Variants in CTNNB1 observed in about 807,000 individuals in gnomAD.
CTNNB1 encodes catenin beta 1, also known as catenin beta-1.
Under a neutral mutation model 82.5 loss-of-function variants are expected in CTNNB1, and 6 were observed. The observed-to-expected ratio is 0.07, with a 90% CI of 0.04 to 0.14. CTNNB1 has a LOEUF of 0.14. Ranked by LOEUF, CTNNB1 falls within the 10% of genes least tolerant of loss-of-function variation. The pLI is 1.00. For missense variants in CTNNB1, 529 were observed against 980.4 expected, an observed-to-expected ratio of 0.54 and a Z score of 6.15; for synonymous variants, 312 against 329.7, an observed-to-expected ratio of 0.95 and a Z score of 0.58.
rs2078146299 is a variant in CTNNB1 at position 41,225,256 on chromosome 3, C to T, written c.495+49C>T. 4 of 1,613,652 alleles carry T rather than the reference C, an allele frequency of 2.5e-6. No individual in the cohort carries two copies. In the South Asian group the frequency reaches 4.4e-5, roughly 18 times the overall value. On this transcript the variant is annotated intron_variant, in intron 4 of 14. Coordinates refer to ENST00000349496, the MANE Select transcript of CTNNB1 (RefSeq NM_001904.4). This position sits in a 1 kb window ranked among gnomAD's most constrained non-coding sequence, Gnocchi z 5.3. ...TTTAGTCTGCTTTGAAGTAAATGCT[C>T]AAGGGGAGTAGTTTCAGAATGTCTA...
Position 41,239,710 on chromosome 3 carries a change from G to T in CTNNB1, c.*368G>T. ...ATTGGCCTGTAGAGTTGCTGAGAGG[G>T]CTCGAGGGGTGGGCTGGTATCTCAG... On this transcript the variant is annotated 3_prime_UTR_variant, in exon 15 of 15. Coordinates refer to ENST00000349496, the MANE Select transcript of CTNNB1 (RefSeq NM_001904.4). The T allele has an allele frequency of 2.6e-6, 1 of 380,168 alleles. No individual in the cohort carries two copies. Among genetic ancestry groups the T allele is most frequent in the Non-Finnish European group, 4.9e-6 (1 of 204,854 alleles). 23.5% of individuals were successfully genotyped at this position (380,168 alleles called of 1,614,324 possible).
chr3:41,239,385 AAAT>A lies in CTNNB1; in HGVS notation c.*45_*47del. On this transcript the variant is annotated 3_prime_UTR_variant, in exon 15 of 15. Transcript: ENST00000349496. Reference sequence around the variant, plus strand: ...AAGTTTTAAAAAGCCAGTTTGGGTAAAATACTTTTACTCTGCCTACAGAACTTC... The same window carrying A: ...AAGTTTTAAAAAGCCAGTTTGGGTAAACTTTTACTCTGCCTACAGAACTTC... The A allele has an allele frequency of 4.5e-6, 7 of 1,551,110 alleles. No individual in the cohort carries two copies. The highest frequency in any genetic ancestry group is 5.3e-6 in the Non-Finnish European group (6 of 1,132,888).
chr3:41,223,344 A>G (rs2125614534), intron 1 of CTNNB1, among the ~76,000 whole-genome samples: 1 of 152,294 alleles, frequency 6.6e-6, no homozygotes, highest in South Asian at 2.1e-4. Context: ...TTTTTAAAAT[A>G]TTGATCAAAA....
At chr3:41,236,842 T>C in intron 13 of CTNNB1, 133 bp downstream of exon 13, 1 of 1,200,088 alleles carries the variant, frequency 8.3e-7, no homozygotes, top group Non-Finnish European at 1.2e-6. Context: ...TTCTTCTTTA[T>C]GCTGTCTAGC....
At chr3:41,218,985 T>C (rs1363066011) in intron 1 of CTNNB1, among the ~76,000 whole-genome samples, 2 of 152,238 alleles carry the variant, frequency 1.3e-5, no homozygotes, top group Non-Finnish European at 2.9e-5. Context: ...ATAAACTATA[T>C]GAAGCATTGT....
At chr3:41,215,530 G>C (rs1462791690) in intron 1 of CTNNB1, among the ~76,000 whole-genome samples, 2 of 151,540 alleles carry the variant, frequency 1.3e-5, no homozygotes, top group East Asian at 3.9e-4. Flanking sequence ...AGGTATTTAA[G>C]AGCTTAATAT....
chr3:41,220,377 C>CG (rs1260157104), intron 1 of CTNNB1, among the ~76,000 whole-genome samples: 6 of 151,542 alleles, frequency 4.0e-5, no homozygotes, highest in African/African-American at 1.5e-4. Context: ...CTTGAGAACA[C>CG]ACACACCCAC....
At position 41,239,918 on chromosome 3, in the gene CTNNB1, T is replaced by TAA; in HGVS notation, c.*578_*579dup. On this transcript the variant is annotated 3_prime_UTR_variant, in exon 15 of 15. Transcript: ENST00000349496. ...TTTATCAAACCCTAGCCTTGCTTGT[T>TAA]AAATTTTTTTTTTTTTTTTTTTAAG... The TAA allele has an allele frequency of 5.7e-6, 1 of 174,070 alleles. No homozygotes were observed. Among genetic ancestry groups the TAA allele is most frequent in the Non-Finnish European group, 1.2e-5 (1 of 86,464 alleles). The allele number at this position is 174,070 out of a possible 1,614,324, so 10.8% of individuals were successfully genotyped here.
In CTNNB1 at chr3:41,238,096, C is replaced by T. The variant is rs377507940; in HGVS notation, c.2137+20C>T. 21 of 1,603,272 alleles carry T rather than the reference C, an allele frequency of 1.3e-5. No individual in the cohort carries two copies. The highest frequency in any genetic ancestry group is 4.0e-5 in the African/African-American group (3 of 74,684). On this transcript the variant is annotated intron_variant, in intron 14 of 14. Coordinates refer to ENST00000349496, the MANE Select transcript of CTNNB1 (RefSeq NM_001904.4). ...AGGATGGTATGTGTCTCATATTTCT[C>T]GATTAACTCCAGATCAAGCTAAAGT...
At chr3:41,220,504 A>G (rs2078022343) in intron 1 of CTNNB1, 1 of 149,944 alleles carries the variant, frequency 6.7e-6, no homozygotes, top group Non-Finnish European at 1.5e-5. Flanking sequence ...GTGTTGCATG[A>G]AGTGTGTTAA....
At chr3:41,212,096 G>A (rs569217164) in intron 1 of CTNNB1, among the ~76,000 whole-genome samples, 4 of 152,256 alleles carry the variant, frequency 2.6e-5, no homozygotes, top group African/African-American at 9.6e-5. Flanking sequence ...CATGGCTGAT[G>A]TCAGATGTTT....
chr3:41,236,292 G>C, intron 11 of CTNNB1, 57 bp from the exon 12 acceptor site: 1 of 1,603,126 alleles, frequency 6.2e-7, no homozygotes, highest in South Asian at 1.1e-5. Context: ...CACAGTGGGG[G>C]GCTTGCCATG....
At chr3:41,236,966 T>C (rs2078451407) in intron 13 of CTNNB1, 2 of 589,110 alleles carry the variant, frequency 3.4e-6, no homozygotes, top group African/African-American at 1.9e-5. Flanking sequence ...TGAAAAATGT[T>C]ACCAGATTAA....
chr3:41,205,812 G>A (rs1220509821), intron 1 of CTNNB1, among the ~76,000 whole-genome samples: 3 of 152,056 alleles, frequency 2.0e-5, no homozygotes, highest in South Asian at 2.1e-4. Flanking sequence ...TTTTTATTAC[G>A]ATACGATGGT....
chr3:41,209,054 C>A (rs1559456943), intron 1 of CTNNB1, among the ~76,000 whole-genome samples: 1 of 152,198 alleles, frequency 6.6e-6, no homozygotes, highest in Non-Finnish European at 1.5e-5. Context: ...TAGTATTTGG[C>A]ACCATTGCTA....
Position 41,205,668 on chromosome 3 carries a change from T to A in CTNNB1, c.-49+5998T>A, listed in dbSNP as rs980819503. Among the ~76,000 whole-genome samples the A allele has an allele frequency of 6.6e-5, 10 of 152,156 alleles. No individual in the cohort carries two copies. In the East Asian group the frequency reaches 1.5e-3, roughly 23 times the overall value. ...TCCAGCTGGGGCAACAGAGCGAGAC[T>A]CCATCTCAAGAAAGAAAAGTGGGGT... On this transcript the variant is annotated intron_variant, in intron 1 of 14. Coordinates refer to ENST00000349496, the MANE Select transcript of CTNNB1 (RefSeq NM_001904.4).
intron 1 of CTNNB1, chr3:41,221,916 C>G (rs1433156694): frequency 1.3e-5 from 2 of 152,010 alleles, no homozygotes; most frequent in Non-Finnish European, 2.9e-5. Flanking sequence ...TTTTTGTACT[C>G]TAGGCAGTTT....
chr3:41,239,063 CTA>C, intron 14 of CTNNB1, 69 bp from the exon 15 acceptor site: 1 of 1,308,814 alleles, frequency 7.6e-7, no homozygotes, highest in Non-Finnish European at 1.1e-6. Flanking sequence ...GTGTTAACGT[CTA>C]TGTCTGCTTC....
chr3:41,206,813 C>T (rs1216903677), intron 1 of CTNNB1, among the ~76,000 whole-genome samples: 1 of 152,000 alleles, frequency 6.6e-6, no homozygotes, highest in Non-Finnish European at 1.5e-5. Context: ...GTTCATTCCC[C>T]TGTGTAGGAA....
Sources: allele counts gnomAD v4.1 joint callset (sites outside exome capture counted in the v4.1 genomes callset), GRCh38; gene constraint gnomAD v4.1.1; non-coding constraint Gnocchi (gnomAD v3.1); transcripts MANE v1.5; gene names NCBI Gene and HGNC (gene_info 2026-07-23, HGNC 2026-07-21).